ADCY4: variants seen among roughly 807,000 people sequenced by gnomAD.
ADCY4 encodes the protein adenylate cyclase 4, also known as adenylate cyclase type 4.
ADCY4 carries 111 observed loss-of-function variants against 125.5 expected under a neutral mutation model. The observed-to-expected ratio is 0.88, with a 90% CI of 0.76 to 1.04. The LOEUF (loss-of-function observed/expected upper bound fraction) is 1.04, where lower values mean the gene tolerates loss of function less well. Ranked by LOEUF, ADCY4 falls within the 50% of genes least tolerant of loss-of-function variation. The pLI is 0.00. For missense variants in ADCY4, 1,256 were observed against 1,382.9 expected (o/e 0.91, Z 1.46); for synonymous variants, 576 against 586.9 (o/e 0.98, Z 0.27).
chr14:24,329,463 C>A lies in ADCY4; in HGVS notation c.1288G>T (p.Glu430Ter), dbSNP rs1216041729. 1 of 1,582,580 alleles carries A rather than the reference C, an allele frequency of 6.3e-7. No individual in the cohort carries two copies. Among genetic ancestry groups the A allele is most frequent in the South Asian group, 1.2e-5 (1 of 86,110 alleles). ...TCCCGAAGGTAGGGGTCCCGATGCTCCATGCCTGCGTCCTCCACAGCATAA... is the reference window on the plus strand; with the variant it reads ...TCCCGAAGGTAGGGGTCCCGATGCTACATGCCTGCGTCCTCCACAGCATAA... Reference protein sequence around the residue: ...GAYAVEDAGMEHRDPYLRELG... With the variant: ...GAYAVEDAGM Residue 430 changes from glutamate to a stop codon, truncating the protein, a stop_gained, in exon 9 of 25, where the codon GAG becomes TAG. Coordinates refer to ENST00000418030, the MANE Select transcript of ADCY4 (RefSeq NM_001198568.2). LOFTEE classifies it high-confidence loss of function.
At chr14:24,332,488 T>C in intron 3 of ADCY4, 34 bp downstream of exon 3, 1 of 1,549,150 alleles carries the variant, frequency 6.5e-7, no homozygotes, top group South Asian at 1.2e-5. Flanking sequence ...GGCAGAGCCG[T>C]CCTGAGCGCA....
At position 24,322,960 on chromosome 14, in the gene ADCY4, A is replaced by G. The variant is rs2139199107; in HGVS notation, c.2286T>C (p.His762=). The G allele has an allele frequency of 1.9e-6, 3 of 1,613,774 alleles. No homozygotes were observed. The highest frequency in any genetic ancestry group is 2.5e-6 in the Non-Finnish European group (3 of 1,179,868). ...CGATGAGGCATTCCGACAGCCAGGCATGGGAGTGCAGGAAGAGGGAGCAGG... is the reference window on the plus strand; with the variant it reads ...CGATGAGGCATTCCGACAGCCAGGCGTGGGAGTGCAGGAAGAGGGAGCAGG... The part of the protein sequence containing the change: ...AASCSLFLHS[H]AWLSECLIVR... The change falls in exon 18 of 25, where the codon CAT becomes CAC. Residue 762 remains histidine, a synonymous_variant. Transcript: ENST00000418030.
At chr14:24,328,334 G>A (rs962075891) in intron 10 of ADCY4, among the ~76,000 whole-genome samples, 3 of 152,082 alleles carry the variant, frequency 2.0e-5, no homozygotes, top group Admixed American at 6.5e-5. Context: ...ACAGTTATCC[G>A]GAGGCCTAAC....
chr14:24,324,938 A>C (rs918656441), intron 14 of ADCY4, among the ~76,000 whole-genome samples: 6 of 152,012 alleles, frequency 3.9e-5, no homozygotes, highest in Non-Finnish European at 8.8e-5. Flanking sequence ...TCCTGACCTC[A>C]GGTGATCCAC....
rs1197619920 is a variant in ADCY4, at chr14:24,322,187, T to A, written c.2465A>T (p.Lys822Met). The A allele has an allele frequency of 6.2e-7, 1 of 1,614,084 alleles. No individual in the cohort carries two copies. Among genetic ancestry groups the A allele is most frequent in the Admixed American group, 1.7e-5 (1 of 60,022 alleles). The change falls in exon 20 of 25, where the codon AAG becomes ATG. Residue 822 changes from lysine to methionine, a missense_variant. Transcript: ENST00000418030. Reference protein sequence around the residue: ...YYCRLDFLWKKKLRQEREETE... With the variant: ...YYCRLDFLWKMKLRQEREETE... ...CTCCTCCCTCTCCTGCCTCAGCTTC[T>A]TCTTCCACAGGAAGTCCAGGCGGCA...
At chr14:24,332,011 G>C in intron 3 of ADCY4, 74 bp from the exon 4 acceptor site, 1 of 1,428,922 alleles carries the variant, frequency 7.0e-7, no homozygotes, top group African/African-American at 1.4e-5. Context: ...TGGTCTCAAA[G>C]ACTGGCTGGG....
intron 16 of ADCY4, 90 bp from the exon 17 acceptor site, chr14:24,323,544 CAG>C: frequency 6.6e-7 from 1 of 1,517,862 alleles, no homozygotes; most frequent in Admixed American, 2.0e-5. Context: ...AGGGATGAGT[CAG>C]GGGAAGACTC....
rs2041846635 is a variant in ADCY4 at position 24,321,243 on chromosome 14, T to A, written c.2586+823A>T. On this transcript the variant is annotated intron_variant, in intron 20 of 24. Coordinates refer to ENST00000418030, the MANE Select transcript of ADCY4 (RefSeq NM_001198568.2). ...CTGACCAACATGGTGAAACCCTGTC[T>A]CTACTAAAAAAAAAAAATATAAAAA... is the stretch of plus-strand genomic sequence containing the variant. Among the ~76,000 whole-genome samples the A allele has an allele frequency of 4.7e-5, 4 of 85,640 alleles. No individual in the cohort carries two copies. In the South Asian group the frequency reaches 2.0e-3, roughly 42 times the overall value. The allele number at this position is 85,640 out of a possible 152,430, so 56.2% of individuals were successfully genotyped here.
In ADCY4 at chr14:24,329,078, T is replaced by G. The variant is rs144574688; in HGVS notation, c.1507A>C (p.Thr503Pro). Reference protein sequence around the residue: ...HLSHGDSPVSTSTPLPEKTLA... With the variant: ...HLSHGDSPVSPSTPLPEKTLA... ...GCACATACCGGGAGAGGGGTGGAGG[T>G]GGACACAGGGCTGTCTCCGTGGCTC... Residue 503 changes from threonine (T) to proline (P), a missense_variant, in exon 10 of 25, where the codon ACC becomes CCC. Thr to Pro is a conservative substitution (Grantham distance 38). Coordinates refer to ENST00000418030, the MANE Select transcript of ADCY4 (RefSeq NM_001198568.2). 2.8e-5 allele frequency: 45 copies of G among 1,613,084 alleles called. No individual in the cohort carries two copies. In the African/African-American group the frequency reaches 3.6e-4, roughly 13 times the overall value.
chr14:24,318,958 A>G (rs2041811669), intron 23 of ADCY4, 140 bp downstream of exon 23: 1 of 1,378,710 alleles, frequency 7.3e-7, no homozygotes, highest in East Asian at 2.3e-5. Flanking sequence ...CTTGCCCAGC[A>G]CCTTCACACC....
At chr14:24,320,873 C>T (rs952673429) in intron 20 of ADCY4, among the ~76,000 whole-genome samples, 21 of 152,128 alleles carry the variant, frequency 1.4e-4, no homozygotes, top group Admixed American at 2.6e-4. Flanking sequence ...TTTCATATGG[C>T]TAATGGCTAC....
rs749674531 is a variant in ADCY4, at chr14:24,319,132, G to A, written c.2922C>T (p.Asn974=). 4 of 1,614,056 alleles carry A rather than the reference G, an allele frequency of 2.5e-6. No individual in the cohort carries two copies. Among genetic ancestry groups the A allele is most frequent in the Non-Finnish European group, 3.4e-6 (4 of 1,180,018 alleles). The change falls in exon 23 of 25, where the codon AAC becomes AAT. Residue 974 remains asparagine, a synonymous_variant. Coordinates refer to ENST00000418030, the MANE Select transcript of ADCY4 (RefSeq NM_001198568.2). This position sits in a 1 kb window ranked among gnomAD's most constrained non-coding sequence, Gnocchi z 4.5. ...VALGSKLDVI[N]KHSFNNFRLR... ...GGCGGAAGTTGTTGAATGAATGCTT[G>A]TTGATGACGTCCAGCTTAGACCCCA...
Position 24,329,160 on chromosome 14 carries a change from T to C in ADCY4, c.1425A>G (p.Ser475=), listed in dbSNP as rs772599874. Residue 475 remains serine, a synonymous_variant, in exon 10 of 25, where the codon TCA becomes TCG. Coordinates refer to ENST00000418030, the MANE Select transcript of ADCY4 (RefSeq NM_001198568.2). ...SSLEGLKMRP[S]LLMTRYLESW... is the part of the protein sequence containing the mutation. ...ACTCCAGGTAACGGGTCATCAGCAG[T>C]GATGGACGCATCTTGAGGCCCTCAA... 6 of 1,613,950 alleles carry C rather than the reference T, an allele frequency of 3.7e-6. No individual in the cohort carries two copies. In the Admixed American group the frequency reaches 1.0e-4, roughly 27 times the overall value.
Position 24,334,814 on chromosome 14 carries a change from T to C in ADCY4, c.-162A>G, listed in dbSNP as rs1459447931. 1.3e-5 allele frequency: 8 copies of C among 607,390 alleles called. No individual in the cohort carries two copies. The Admixed American group carries it at 2.2e-4, about 17-fold the overall frequency. The allele number at this position is 607,390 out of a possible 1,614,324, so 37.6% of individuals were successfully genotyped here. A position where few individuals can be genotyped will look rare whatever the true frequency, so the allele number is the denominator to read the frequency against. ...CCCGTCTCCTTTTTCAGGCCCTCCC[T>C]GCGGCCTCCCAGCCCGCTCCCAGCT... On this transcript the variant is annotated 5_prime_UTR_variant, in exon 1 of 25. Transcript: ENST00000418030.
rs961124783 is a variant in ADCY4, at chr14:24,318,901, C to A, written c.2957-123G>T. ...AGAGGAGAGGAGGGGTCTCTAAGGG[C>A]TGGAGGAATGTAGCTTAAGAAAAAG... On this transcript the variant is annotated intron_variant, in intron 23 of 24. Coordinates refer to ENST00000418030, the MANE Select transcript of ADCY4 (RefSeq NM_001198568.2). The A allele has an allele frequency of 5.5e-6, 8 of 1,466,266 alleles. No individual in the cohort carries two copies. In the African/African-American group the frequency reaches 1.1e-4, roughly 21 times the overall value. The allele number at this position is 1,466,266 out of a possible 1,614,324, so 90.8% of individuals were successfully genotyped here. A position where few individuals can be genotyped will look rare whatever the true frequency, so the allele number is the denominator to read the frequency against.
intron 13 of ADCY4, 151 bp downstream of exon 13, chr14:24,325,667 A>G: frequency 1.0e-6 from 1 of 976,370 alleles, no homozygotes; most frequent in Non-Finnish European, 1.5e-6. Context: ...CAGTCTACAG[A>G]GTGACTTTCC....
chr14:24,332,041 G>T, intron 3 of ADCY4, 104 bp from the exon 4 acceptor site: 1 of 1,339,158 alleles, frequency 7.5e-7, no homozygotes, highest in Non-Finnish European at 9.8e-7. Context: ...GCTTTACAGT[G>T]AGGGACCTAA....
chr14:24,318,988 A>G, intron 23 of ADCY4, 110 bp downstream of exon 23: 1 of 1,451,716 alleles, frequency 6.9e-7, no homozygotes, highest in South Asian at 1.3e-5. Flanking sequence ...GGAGTGAGTC[A>G]GGAAAGGGGC....
chr14:24,324,437 C>A (rs757946384), intron 14 of ADCY4, 46 bp from the exon 15 acceptor site: 2 of 1,562,076 alleles, frequency 1.3e-6, no homozygotes, highest in Non-Finnish European at 1.8e-6. Flanking sequence ...GAACAGGCTC[C>A]CTGTGTGCTA....
Sources: gnomAD v4.1 joint callset for allele counts (sites outside exome capture counted in the v4.1 genomes callset) on GRCh38, gnomAD v4.1.1 for gene constraint, Gnocchi (gnomAD v3.1) non-coding constraint, MANE v1.5 for transcripts, NCBI Gene and HGNC (gene_info 2026-07-23, HGNC 2026-07-21) for gene names.